SCHIP1: variants seen among roughly 807,000 people sequenced by gnomAD.
The protein encoded by SCHIP1 is schwannomin-interacting protein 1.
In SCHIP1, 8 loss-of-function variants were observed where a neutral mutation model predicts 29.7. The ratio of observed to expected loss-of-function variants is 0.27; its 90% CI spans 0.16 to 0.49. The LOEUF (loss-of-function observed/expected upper bound fraction) is 0.49. SCHIP1 is among the 20% of genes least tolerant of loss of function. The pLI, the probability that SCHIP1 is intolerant of heterozygous loss-of-function variation, is 0.99. For synonymous variants in SCHIP1, 76 were observed against 94.9 expected, an observed-to-expected ratio of 0.80 and a Z score of 1.16; for missense variants, 193 against 294.6, an observed-to-expected ratio of 0.66 and a Z score of 2.52.
chr3:159,676,193 C>T, the SCHIP1 span, among the ~76,000 whole-genome samples: 20 of 152,226 alleles, frequency 1.3e-4, no homozygotes, highest in Middle Eastern at 6.8e-3. Context: ...TACTGGGCTC[C>T]AGAAGGGTTT....
the SCHIP1 span, among the ~76,000 whole-genome samples, chr3:159,572,330 T>A: frequency 2.6e-5 from 4 of 151,828 alleles, no homozygotes; most frequent in Non-Finnish European, 4.4e-5. Context: ...GTCTTTGTTC[T>A]CATTGGTTTC....
the SCHIP1 span, among the ~76,000 whole-genome samples, chr3:159,558,666 T>G: frequency 1.3e-5 from 2 of 152,196 alleles, no homozygotes; most frequent in Non-Finnish European, 2.9e-5. Context: ...TGGGCACCTT[T>G]GCTCACACCA....
At chr3:159,405,211 G>A in the SCHIP1 span, among the ~76,000 whole-genome samples, 1 of 152,114 alleles carries the variant, frequency 6.6e-6, no homozygotes, top group Non-Finnish European at 1.5e-5. Context: ...TACAGTAAAT[G>A]CCTAACTCTT....
At chr3:159,885,295 TAC>T (rs942598361) in intron 2 of SCHIP1, among the ~76,000 whole-genome samples, 11 of 152,194 alleles carry the variant, frequency 7.2e-5, no homozygotes, top group African/African-American at 2.7e-4. Context: ...TCCCTAAGCT[TAC>T]ACAGAGACTG....
upstream of SCHIP1, among the ~76,000 whole-genome samples, chr3:159,839,690 AG>A (rs1744032762): frequency 1.7e-5 from 2 of 115,166 alleles, no homozygotes. Context: ...CTTAGTGGGT[AG>A]GAAGGATGAT....
chr3:159,538,750 A>G, the SCHIP1 span, among the ~76,000 whole-genome samples: 2 of 152,312 alleles, frequency 1.3e-5, no homozygotes, highest in East Asian at 3.9e-4. Context: ...AACATTTTAT[A>G]TAACTGCCCA....
At chr3:159,433,701 T>G in the SCHIP1 span, among the ~76,000 whole-genome samples, 1 of 152,094 alleles carries the variant, frequency 6.6e-6, no homozygotes, top group Non-Finnish European at 1.5e-5. Context: ...ATGGGGAAAA[T>G]AAGAGTACCT....
chr3:159,640,425 C>A, the SCHIP1 span, among the ~76,000 whole-genome samples: 3 of 152,090 alleles, frequency 2.0e-5, no homozygotes, highest in Admixed American at 2.0e-4. Flanking sequence ...TGGTGACTTG[C>A]GTAATCCTCT....
At chr3:159,841,679 CA>C (rs1164773571) in intron 1 of SCHIP1, among the ~76,000 whole-genome samples, 6 of 152,156 alleles carry the variant, frequency 3.9e-5, no homozygotes, top group African/African-American at 1.4e-4. Context: ...GGTCAAATAT[CA>C]GCAATTTCAT....
At chr3:159,331,989 T>C in the SCHIP1 span, among the ~76,000 whole-genome samples, 85 of 152,236 alleles carry the variant, frequency 5.6e-4, no homozygotes, top group African/African-American at 2.0e-3. Context: ...CTCATCACCA[T>C]AGCTCAGGTG....
At chr3:159,615,017 G>A in the SCHIP1 span, among the ~76,000 whole-genome samples, 1 of 152,216 alleles carries the variant, frequency 6.6e-6, no homozygotes, top group Admixed American at 6.5e-5. Flanking sequence ...ATGTGAAAGA[G>A]AAAGAATAAA....
the SCHIP1 span, among the ~76,000 whole-genome samples, chr3:159,397,870 A>G: frequency 1.3e-5 from 2 of 152,080 alleles, no homozygotes; most frequent in African/African-American, 4.8e-5. Flanking sequence ...GAGCTTCCTG[A>G]CTGCTTTGTT....
At chr3:159,495,100 C>T in the SCHIP1 span, among the ~76,000 whole-genome samples, 15 of 152,228 alleles carry the variant, frequency 9.9e-5, no homozygotes, top group African/African-American at 2.4e-4. Flanking sequence ...ATTGATGGGA[C>T]GTATCTCAAA....
the SCHIP1 span, among the ~76,000 whole-genome samples, chr3:159,402,682 C>CA: frequency 1.3e-5 from 2 of 152,048 alleles, no homozygotes; most frequent in South Asian, 2.1e-4. Flanking sequence ...ATTGCAAGGA[C>CA]AAAAAACCAA....
chr3:159,825,481 A>G, the SCHIP1 span, among the ~76,000 whole-genome samples: 1 of 152,128 alleles, frequency 6.6e-6, no homozygotes. Context: ...AGCTTCATTC[A>G]TTGTCTTGAG....
chr3:159,496,991 A>C, the SCHIP1 span, among the ~76,000 whole-genome samples: 2 of 152,214 alleles, frequency 1.3e-5, no homozygotes, highest in African/African-American at 2.4e-5. Context: ...CATTCTCAGC[A>C]AACTGTCGCA....
chr3:159,896,968 A>G (rs1394784108), exon 7 of SCHIP1: 1 of 486,274 alleles, frequency 2.1e-6, no homozygotes. Flanking sequence ...AATATCAGGC[A>G]TTTTAATAAA....
chr3:159,735,098 C>T, the SCHIP1 span, among the ~76,000 whole-genome samples: 6,381 of 152,042 alleles, frequency 0.042, 415 homozygotes, highest in African/African-American at 0.14. Context: ...TCTTAAAGAA[C>T]AATAATAAGT....
the SCHIP1 span, among the ~76,000 whole-genome samples, chr3:159,486,284 A>G: frequency 6.6e-6 from 1 of 152,146 alleles, no homozygotes; most frequent in African/African-American, 2.4e-5. Flanking sequence ...TCCTTTGATA[A>G]CATTTCCCCA....
Sources: gnomAD v4.1 joint callset for allele counts (sites outside exome capture counted in the v4.1 genomes callset) on GRCh38, gnomAD v4.1.1 for gene constraint, MANE v1.5 for transcripts, NCBI Gene and HGNC (gene_info 2026-07-23, HGNC 2026-07-21) for gene names.